RPS6KC1: variants seen among roughly 807,000 people sequenced by gnomAD.
RPS6KC1 encodes the protein inactive ribosomal protein S6 kinase delta-1.
In RPS6KC1, 54 loss-of-function variants were observed where a neutral mutation model predicts 103.8. The observed-to-expected ratio is 0.52, with a 90% CI of 0.42 to 0.65. The LOEUF (loss-of-function observed/expected upper bound fraction) is 0.65. Ranked by LOEUF, RPS6KC1 falls within the 30% of genes least tolerant of loss-of-function variation. The pLI is 0.00. For missense variants in RPS6KC1, 1,151 were observed against 1,253.8 expected, an observed-to-expected ratio of 0.92 and a Z score of 1.24; for synonymous variants, 439 against 438.7, an observed-to-expected ratio of 1.00 and a Z score of -0.01.
At chr1:213,375,211 A>G in the RPS6KC1 span, among the ~76,000 whole-genome samples, 1 of 151,956 alleles carries the variant, frequency 6.6e-6, no homozygotes, top group Non-Finnish European at 1.5e-5. Flanking sequence ...ACACATATAC[A>G]TACATACATA....
chr1:213,062,810 C>T (rs938672939), intron 1 of RPS6KC1, among the ~76,000 whole-genome samples: 1 of 152,108 alleles, frequency 6.6e-6, no homozygotes, highest in Non-Finnish European at 1.5e-5. Context: ...GCCTCGGCCT[C>T]CCAAGGTGCT....
the RPS6KC1 span, among the ~76,000 whole-genome samples, chr1:213,825,029 G>A: frequency 6.6e-6 from 1 of 152,212 alleles, no homozygotes; most frequent in Non-Finnish European, 1.5e-5. Flanking sequence ...AGAGAAGAAA[G>A]AGTGGGAGAG....
the RPS6KC1 span, among the ~76,000 whole-genome samples, chr1:213,843,908 T>G: frequency 6.6e-6 from 1 of 151,990 alleles, no homozygotes; most frequent in Admixed American, 6.6e-5. Context: ...AAAGACTCTT[T>G]AAAACTATGA....
At chr1:213,591,873 G>A in the RPS6KC1 span, among the ~76,000 whole-genome samples, 7 of 152,164 alleles carry the variant, frequency 4.6e-5, no homozygotes, top group African/African-American at 1.7e-4. Flanking sequence ...GGGACAAGAG[G>A]TGTTAAGGCT....
chr1:213,398,349 A>C, the RPS6KC1 span, among the ~76,000 whole-genome samples: 1 of 151,956 alleles, frequency 6.6e-6, no homozygotes, highest in Non-Finnish European at 1.5e-5. Flanking sequence ...GCCTGGCCTC[A>C]TCAGCTTTGA....
chr1:213,862,164 C>A, the RPS6KC1 span, among the ~76,000 whole-genome samples: 1 of 152,132 alleles, frequency 6.6e-6, no homozygotes, highest in Non-Finnish European at 1.5e-5. Context: ...GCACATGCTA[C>A]GTAGTCCTAA....
At chr1:213,809,499 G>A in the RPS6KC1 span, among the ~76,000 whole-genome samples, 10 of 152,016 alleles carry the variant, frequency 6.6e-5, no homozygotes, top group South Asian at 4.2e-4. Context: ...CAGGGTTTTC[G>A]CAAACCTTAA....
chr1:213,124,645 A>G (rs972628362), intron 5 of RPS6KC1, among the ~76,000 whole-genome samples: 1 of 152,208 alleles, frequency 6.6e-6, no homozygotes, highest in Non-Finnish European at 1.5e-5. Context: ...TAATATGTTT[A>G]TAAATAAGAT....
chr1:213,738,625 G>A, the RPS6KC1 span, among the ~76,000 whole-genome samples: 1 of 151,874 alleles, frequency 6.6e-6, no homozygotes, highest in South Asian at 2.1e-4. Context: ...AGAATATGTT[G>A]TCTTTATAAA....
At chr1:213,325,444 C>G in the RPS6KC1 span, among the ~76,000 whole-genome samples, 1 of 152,322 alleles carries the variant, frequency 6.6e-6, no homozygotes, top group East Asian at 1.9e-4. Flanking sequence ...CACCCTCCTA[C>G]TAAAAGAATC....
At chr1:213,167,420 GA>G (rs1165490916) in intron 6 of RPS6KC1, among the ~76,000 whole-genome samples, 1 of 140,070 alleles carries the variant, frequency 7.1e-6, no homozygotes, top group Non-Finnish European at 1.5e-5. Context: ...TTGGTTTTTA[GA>G]AAAAAACCAA....
At chr1:213,377,389 C>G in the RPS6KC1 span, among the ~76,000 whole-genome samples, 2 of 152,214 alleles carry the variant, frequency 1.3e-5, no homozygotes, top group African/African-American at 4.8e-5. Context: ...CTAAACAGTT[C>G]TCTCTGTGTC....
chr1:213,459,269 T>G, the RPS6KC1 span, among the ~76,000 whole-genome samples: 13 of 152,202 alleles, frequency 8.5e-5, no homozygotes, highest in Non-Finnish European at 1.8e-4. Context: ...TATTAATTAC[T>G]GCCTCAATTT....
rs946806512 is a variant in RPS6KC1, at chr1:213,273,830, A to G, written c.*1196A>G. The G allele has an allele frequency of 3.3e-5, 5 of 152,174 alleles. No individual in the cohort carries two copies. The highest frequency in any genetic ancestry group is 3.2e-3 in the Middle Eastern group (1 of 316). The allele number at this position is 152,174 out of a possible 1,614,324, so 9.4% of individuals were successfully genotyped here. A position where few individuals can be genotyped will look rare whatever the true frequency, so the allele number is the denominator to read the frequency against. ...TTACAAATGTTTTAAAAGTGTTAAC[A>G]TCTGTTTTTTTTTAAACGTTAGCCA... On this transcript the variant is annotated 3_prime_UTR_variant, in exon 15 of 15. Coordinates refer to ENST00000366960, the MANE Select transcript of RPS6KC1 (RefSeq NM_012424.6).
At chr1:213,334,609 C>T in the RPS6KC1 span, among the ~76,000 whole-genome samples, 1 of 152,188 alleles carries the variant, frequency 6.6e-6, no homozygotes, top group African/African-American at 2.4e-5. Context: ...TATTTTTGCA[C>T]ACTTTATGAA....
At chr1:213,759,051 G>T in the RPS6KC1 span, among the ~76,000 whole-genome samples, 2 of 152,170 alleles carry the variant, frequency 1.3e-5, no homozygotes, top group African/African-American at 4.8e-5. Flanking sequence ...TTTGTGAAAG[G>T]AAAGTCCATT....
the RPS6KC1 span, among the ~76,000 whole-genome samples, chr1:213,422,620 G>A: frequency 6.6e-6 from 1 of 152,134 alleles, no homozygotes; most frequent in African/African-American, 2.4e-5. Context: ...ATACATTAAG[G>A]AATGAGTGAT....
the RPS6KC1 span, among the ~76,000 whole-genome samples, chr1:213,724,028 C>T: frequency 6.6e-6 from 1 of 152,128 alleles, no homozygotes; most frequent in South Asian, 2.1e-4. Flanking sequence ...CACTGAGGAG[C>T]AGAAGCAGGA....
chr1:213,378,733 A>G, the RPS6KC1 span, among the ~76,000 whole-genome samples: 1 of 152,200 alleles, frequency 6.6e-6, no homozygotes, highest in Non-Finnish European at 1.5e-5. Context: ...TTTCCTTTAG[A>G]GCTGAGAAGA....
Sources: allele counts gnomAD v4.1 joint callset (sites outside exome capture counted in the v4.1 genomes callset), GRCh38; gene constraint gnomAD v4.1.1; transcripts MANE v1.5; gene names NCBI Gene and HGNC (gene_info 2026-07-23, HGNC 2026-07-21).